The following CPQ variants were observed in gnomAD, a reference collection of about 807,000 sequenced individuals.
The protein encoded by CPQ is carboxypeptidase Q.
Under a neutral mutation model 45.7 loss-of-function variants are expected in CPQ, and 37 were observed. The ratio of observed to expected loss-of-function variants is 0.81; its 90% confidence interval spans 0.62 to 1.07. The LOEUF (loss-of-function observed/expected upper bound fraction) is 1.07. Among genes scored for constraint, CPQ ranks in the 50% least tolerant of loss-of-function variants. CPQ has a pLI of 0.00. For missense variants in CPQ, 537 were observed against 572.9 expected (o/e 0.94, Z 0.64); for synonymous variants, 186 against 205.8 (o/e 0.90, Z 0.82).
chr8:96,733,354 G>A (rs1472957104), intron 1 of CPQ, among the ~76,000 whole-genome samples: 4 of 152,096 alleles, frequency 2.6e-5, no homozygotes, highest in South Asian at 4.1e-4. Context: ...TCTCAGTATT[G>A]GTGAAGAGGT....
At chr8:96,854,557 A>AAACCAC in intron 3 of CPQ, among the ~76,000 whole-genome samples, 1 of 76,888 alleles carries the variant, frequency 1.3e-5, no homozygotes, top group Non-Finnish European at 2.7e-5. Flanking sequence ...AAAAAAAAAA[A>AAACCAC]AATGTGGTGG....
intron 7 of CPQ, among the ~76,000 whole-genome samples, chr8:97,124,799 G>A (rs149993778): frequency 4.3e-4 from 65 of 152,250 alleles, no homozygotes; most frequent in African/African-American, 1.5e-3. Context: ...GAAATGTGTA[G>A]GTTAAATGCT....
At chr8:96,961,991 C>T (rs190219797) in intron 4 of CPQ, among the ~76,000 whole-genome samples, 49 of 152,294 alleles carry the variant, frequency 3.2e-4, no homozygotes, top group Non-Finnish European at 2.9e-4. Context: ...GGCTTGTCCT[C>T]AGGCTGCTGT....
chr8:97,067,347 T>C (rs1810657093), intron 7 of CPQ, among the ~76,000 whole-genome samples: 1 of 152,170 alleles, frequency 6.6e-6, no homozygotes, highest in African/African-American at 2.4e-5. Flanking sequence ...CACCATTATA[T>C]CCATAATCCA....
chr8:97,106,011 C>T (rs1217595695), intron 7 of CPQ, among the ~76,000 whole-genome samples: 1 of 152,146 alleles, frequency 6.6e-6, no homozygotes, highest in African/African-American at 2.4e-5. Flanking sequence ...CGATACTTTA[C>T]AGAATTTTAA....
chr8:97,115,204 T>C (rs1181621719), intron 7 of CPQ, among the ~76,000 whole-genome samples: 2 of 152,194 alleles, frequency 1.3e-5, no homozygotes, highest in Non-Finnish European at 2.9e-5. Flanking sequence ...CCTCTTCTAT[T>C]GCACAAAGCT....
intron 7 of CPQ, among the ~76,000 whole-genome samples, chr8:97,067,047 C>G (rs530042184): frequency 2.3e-3 from 346 of 151,534 alleles, no homozygotes; most frequent in African/African-American, 7.9e-3. Flanking sequence ...CTGTCTCAGC[C>G]TCCCGAGTAG....
intron 1 of CPQ, among the ~76,000 whole-genome samples, chr8:96,751,418 G>T (rs1172262825): frequency 6.6e-6 from 1 of 152,040 alleles, no homozygotes; most frequent in Non-Finnish European, 1.5e-5. Context: ...TATACTTGTT[G>T]GTTGCATGAA....
chr8:96,718,459 G>A (rs942384886), intron 1 of CPQ, among the ~76,000 whole-genome samples: 15 of 152,122 alleles, frequency 9.9e-5, no homozygotes, highest in African/African-American at 2.9e-4. Flanking sequence ...GGAGTTGTTC[G>A]TTCCCCCCAG....
chr8:96,739,287 T>C (rs1485731348), intron 1 of CPQ, among the ~76,000 whole-genome samples: 1 of 148,470 alleles, frequency 6.7e-6, no homozygotes, highest in Non-Finnish European at 1.5e-5. Flanking sequence ...TCATGTCCTT[T>C]GCCCACTTTT....
intron 2 of CPQ, among the ~76,000 whole-genome samples, chr8:96,823,035 A>G (rs1337696852): frequency 6.6e-6 from 1 of 151,998 alleles, no homozygotes; most frequent in East Asian, 1.9e-4. Context: ...CACTGTCCAG[A>G]TGTTCCTTTC....
chr8:96,798,712 T>C (rs954450082), intron 2 of CPQ, among the ~76,000 whole-genome samples: 1 of 152,068 alleles, frequency 6.6e-6, no homozygotes, highest in South Asian at 2.1e-4. Context: ...GACTCATTTT[T>C]TTCTTTGAAG....
chr8:96,850,728 A>G (rs964847964), intron 3 of CPQ, among the ~76,000 whole-genome samples: 5 of 150,778 alleles, frequency 3.3e-5, no homozygotes, highest in Non-Finnish European at 7.4e-5. Context: ...TCCTGCCTCA[A>G]CCTCCCTAGT....
At chr8:96,719,446 C>T (rs879246132) in intron 1 of CPQ, among the ~76,000 whole-genome samples, 1 of 152,190 alleles carries the variant, frequency 6.6e-6, no homozygotes, top group Non-Finnish European at 1.5e-5. Flanking sequence ...CACGCAGTCC[C>T]GGTTGCCACT....
intron 3 of CPQ, among the ~76,000 whole-genome samples, chr8:96,855,595 G>A (rs554454867): frequency 1.4e-4 from 22 of 152,204 alleles, no homozygotes; most frequent in East Asian, 9.7e-4. Context: ...CCTTTCAGCC[G>A]CTCTCATTTA....
chr8:96,671,052 A>G (rs1808995208), intron 1 of CPQ, among the ~76,000 whole-genome samples: 1 of 152,198 alleles, frequency 6.6e-6, no homozygotes, highest in Non-Finnish European at 1.5e-5. Context: ...GAAAGTTTAC[A>G]TAGGATCTCT....
At chr8:96,753,520 AT>A (rs1291576746) in intron 1 of CPQ, among the ~76,000 whole-genome samples, 2 of 139,406 alleles carry the variant, frequency 1.4e-5, no homozygotes, top group African/African-American at 5.0e-5. Flanking sequence ...GTTTTCTTCT[AT>A]CTTGCATCCC....
chr8:96,676,265 C>T (rs1586354459), intron 1 of CPQ, among the ~76,000 whole-genome samples: 1 of 152,132 alleles, frequency 6.6e-6, no homozygotes, highest in South Asian at 2.1e-4. Context: ...CTCCCACTGC[C>T]TCACACCCTT....
intron 7 of CPQ, among the ~76,000 whole-genome samples, chr8:97,116,326 T>C (rs141305017): frequency 1.3e-5 from 2 of 152,318 alleles, no homozygotes; most frequent in African/African-American, 4.8e-5. Flanking sequence ...ATTCAGACTC[T>C]AAAATAAGAG....
Sources: allele counts gnomAD v4.1 joint callset (sites outside exome capture counted in the v4.1 genomes callset), GRCh38; gene constraint gnomAD v4.1.1; transcripts MANE v1.5; gene names NCBI Gene and HGNC (gene_info 2026-07-23, HGNC 2026-07-21).